MTUS2: variants seen among roughly 807,000 people sequenced by gnomAD.
The protein encoded by MTUS2 is microtubule-associated tumor suppressor candidate 2.
A neutral mutation model predicts 114.1 loss-of-function variants in MTUS2; 40 were observed. That is an observed-to-expected ratio of 0.35 (90% CI 0.27 to 0.46). The LOEUF (loss-of-function observed/expected upper bound fraction) is 0.46, where lower values mean the gene tolerates loss of function less well. Ranked by LOEUF, MTUS2 falls within the 20% of genes least tolerant of loss-of-function variation. MTUS2 has a pLI of 1.00. For synonymous variants in MTUS2, 688 were observed against 672.0 expected (o/e 1.02, Z -0.37); for missense variants, 1,679 against 1,705.4 (o/e 0.98, Z 0.27).
intron 2 of MTUS2, among the ~76,000 whole-genome samples, chr13:28,896,895 A>C (rs948273978): frequency 2.8e-4 from 42 of 152,236 alleles, no homozygotes; most frequent in Admixed American, 2.0e-4. Flanking sequence ...TTATACAAAA[A>C]TTAATTCAAG....
intron 4 of MTUS2, among the ~76,000 whole-genome samples, chr13:29,094,757 T>C (rs1890108172): frequency 6.6e-6 from 1 of 152,084 alleles, no homozygotes; most frequent in Non-Finnish European, 1.5e-5. Context: ...TTCAGTGTTT[T>C]AAAGTCAAAA....
In MTUS2 at chr13:29,480,349, T is replaced by C; in HGVS notation, c.3384T>C (p.Cys1128=). Residue 1128 remains cysteine (C), a synonymous_variant, in exon 10 of 16, where the codon TGT becomes TGC. Coordinates refer to ENST00000612955, the MANE Select transcript of MTUS2 (RefSeq NM_001033602.4). This position sits in a 1 kb window ranked among gnomAD's most constrained non-coding sequence, Gnocchi z 4.4. Reference sequence around the variant, plus strand: ...GTGACCAGCTGCTGAGCATCCGGTGTCAACACCAGGAGCAGGTCAGTCTGC... The same window carrying C: ...GTGACCAGCTGCTGAGCATCCGGTGCCAACACCAGGAGCAGGTCAGTCTGC... ...EHGDQLLSIR[C]QHQEQVEDLT... 6.5e-7 allele frequency: 1 copy of C among 1,538,850 alleles called. No homozygotes were observed.
In MTUS2 at chr13:29,159,268, A is replaced by T. The variant is rs80309170; in HGVS notation, c.2644+58298A>T. On this transcript the variant is annotated intron_variant, in intron 5 of 15. Coordinates refer to ENST00000612955, the MANE Select transcript of MTUS2 (RefSeq NM_001033602.4). ...AGACACGTACTAAAATTAATAGGTG[A>T]TTTTATAAAAAGTTTTGGACTTATT... is the stretch of plus-strand genomic sequence containing the variant. 7.1e-4 allele frequency among the ~76,000 whole-genome samples: 108 copies of T among 152,336 alleles called. 1 individual carries two copies. The East Asian group carries it at 0.019, about 27-fold the overall frequency.
rs145144774 is a variant in MTUS2 at position 29,107,599 on chromosome 13, C to T, written c.2644+6629C>T. Among the ~76,000 whole-genome samples, 971 of 152,064 alleles carry T rather than the reference C, an allele frequency of 6.4e-3. 8 individuals carry two copies. Among genetic ancestry groups the T allele is most frequent in the Middle Eastern group, 0.014 (4 of 294 alleles). ...TTACATAAGCCAAAGAGTAGAAAACCCTTTGAACTCTAAATATATTCAGAG... is the reference window on the plus strand; with the variant it reads ...TTACATAAGCCAAAGAGTAGAAAACTCTTTGAACTCTAAATATATTCAGAG... On this transcript the variant is annotated intron_variant, in intron 5 of 15. Transcript: ENST00000612955.
intron 4 of MTUS2, among the ~76,000 whole-genome samples, chr13:29,087,142 A>C (rs1889728249): frequency 6.6e-6 from 1 of 152,164 alleles, no homozygotes; most frequent in Admixed American, 6.5e-5. Flanking sequence ...CACTATGTTG[A>C]ATAGGAATGG....
intron 2 of MTUS2, among the ~76,000 whole-genome samples, chr13:28,976,203 CAAAAAA>C (rs71090215): frequency 1.1e-3 from 96 of 90,166 alleles, no homozygotes; most frequent in African/African-American, 2.4e-3. Context: ...GACCTTGTCT[CAAAAAA>C]AAAAAAAAAA....
intron 10 of MTUS2, among the ~76,000 whole-genome samples, chr13:29,487,333 C>T (rs1035685421): frequency 2.0e-5 from 3 of 152,348 alleles, no homozygotes; most frequent in Non-Finnish European, 4.4e-5. Flanking sequence ...TCACTGTTAG[C>T]TCTGCCATTT....
intron 5 of MTUS2, among the ~76,000 whole-genome samples, chr13:29,152,058 G>A (rs542129501): frequency 5.3e-4 from 81 of 152,198 alleles, no homozygotes; most frequent in African/African-American, 1.9e-3. Context: ...ATGAGTTAGG[G>A]AGGAGTCCTT....
intron 2 of MTUS2, among the ~76,000 whole-genome samples, chr13:28,860,399 C>G (rs946467095): frequency 4.6e-5 from 7 of 152,144 alleles, no homozygotes; most frequent in African/African-American, 1.2e-4. Context: ...ATGTCAGGTA[C>G]CATCACCAGG....
chr13:29,383,250 G>A (rs74042032), intron 8 of MTUS2, among the ~76,000 whole-genome samples: 20,878 of 63,604 alleles, frequency 0.33, 1,762 homozygotes, highest in Non-Finnish European at 0.42. Context: ...GTGTGTGTGT[G>A]TGTATTTATT....
chr13:28,941,264 T>G (rs1882218433), intron 2 of MTUS2, among the ~76,000 whole-genome samples: 1 of 152,140 alleles, frequency 6.6e-6, no homozygotes, highest in Admixed American at 6.5e-5. Flanking sequence ...AATGTGGGTA[T>G]ATTCTGTCTA....
rs192958191 is a variant in MTUS2 at position 29,316,981 on chromosome 13, G to A, written c.2807-7632G>A. ...TAATGAATTGATCAGTGAATTTATTGGGCTTGGGGGGGAATTTACAAAGCT... is the reference window on the plus strand; with the variant it reads ...TAATGAATTGATCAGTGAATTTATTAGGCTTGGGGGGGAATTTACAAAGCT... On this transcript the variant is annotated intron_variant, in intron 6 of 15. Transcript: ENST00000612955. Among the ~76,000 whole-genome samples the A allele has an allele frequency of 1.0e-3, 156 of 152,236 alleles. 2 individuals carry two copies. The highest frequency in any genetic ancestry group is 2.8e-3 in the African/African-American group (117 of 41,562).
chr13:29,064,610 G>A (rs567370267), intron 4 of MTUS2, among the ~76,000 whole-genome samples: 61 of 152,044 alleles, frequency 4.0e-4, no homozygotes, highest in African/African-American at 1.3e-3. Context: ...GCTATATATT[G>A]CTTTTGTGAT....
chr13:29,411,724 CATTT>C lies in MTUS2; in HGVS notation c.3118-28258_3118-28255del, dbSNP rs1247739549. On this transcript the variant is annotated intron_variant, in intron 8 of 15. Transcript: ENST00000612955. The stretch of plus-strand genomic sequence containing the variant: ...CCAAGAACAGGAAATGATTTCCATT[CATTT>C]GTCTAAGTCTACTTTTGTGTCTTTT... Among the ~76,000 whole-genome samples, 3 of 152,158 alleles carry C rather than the reference CATTT, an allele frequency of 2.0e-5. No homozygotes were observed. In the East Asian group the frequency reaches 5.8e-4, roughly 29 times the overall value.
intron 8 of MTUS2, among the ~76,000 whole-genome samples, chr13:29,418,685 G>A (rs1228279370): frequency 6.6e-6 from 1 of 152,160 alleles, no homozygotes; most frequent in African/African-American, 2.4e-5. Flanking sequence ...AGGTTTCCCA[G>A]TCCAGTTACT....
At position 29,319,331 on chromosome 13, in the gene MTUS2, G is replaced by A. The variant is rs542283449; in HGVS notation, c.2807-5282G>A. Among the ~76,000 whole-genome samples, 9 of 152,230 alleles carry A rather than the reference G, an allele frequency of 5.9e-5. No homozygotes were observed. The East Asian group carries it at 1.5e-3, about 26-fold the overall frequency. Reference sequence around the variant, plus strand: ...ACGTGAGGCACGACTGTCCCCCAGGGGGGACTTCAACCGCAGCGGCAGGAA... The same window carrying A: ...ACGTGAGGCACGACTGTCCCCCAGGAGGGACTTCAACCGCAGCGGCAGGAA... On this transcript the variant is annotated intron_variant, in intron 6 of 15. Transcript: ENST00000612955.
chr13:28,978,682 G>A (rs1053772004), intron 2 of MTUS2, among the ~76,000 whole-genome samples: 2 of 152,194 alleles, frequency 1.3e-5, no homozygotes, highest in African/African-American at 2.4e-5. Context: ...CTGCAGGTAT[G>A]TATGTCCTGT....
chr13:28,943,511 C>A (rs1244210146), intron 2 of MTUS2, among the ~76,000 whole-genome samples: 2 of 152,192 alleles, frequency 1.3e-5, no homozygotes, highest in Non-Finnish European at 2.9e-5. Flanking sequence ...TGTTAGACTG[C>A]ACGTTTACAG....
intron 2 of MTUS2, among the ~76,000 whole-genome samples, chr13:28,994,009 G>A (rs534098459): frequency 4.6e-5 from 7 of 151,980 alleles, no homozygotes; most frequent in Admixed American, 1.3e-4. Flanking sequence ...CCATTAACTC[G>A]TCATTTAGCA....
Sources: allele counts gnomAD v4.1 joint callset (sites outside exome capture counted in the v4.1 genomes callset), GRCh38; gene constraint gnomAD v4.1.1; non-coding constraint Gnocchi (gnomAD v3.1); transcripts MANE v1.5; gene names NCBI Gene and HGNC (gene_info 2026-07-23, HGNC 2026-07-21).